TRAPPC9: variants seen among roughly 807,000 people sequenced by gnomAD.
TRAPPC9 encodes the protein IKK2 binding protein.
A neutral mutation model predicts 124.0 loss-of-function variants in TRAPPC9; 83 were observed. The observed-to-expected ratio is 0.67, with a 90% confidence interval of 0.56 to 0.80. The LOEUF (loss-of-function observed/expected upper bound fraction) is 0.80, where lower values mean the gene tolerates loss of function less well. TRAPPC9 is among the 30% of genes least tolerant of loss of function. The probability of loss-of-function intolerance (pLI) is 0.00; values close to 1 mark genes in which losing one functional copy is unlikely to be tolerated. For missense variants in TRAPPC9, 1,302 were observed against 1,508.3 expected (o/e 0.86, Z 2.27); for synonymous variants, 638 against 617.5 (o/e 1.03, Z -0.49).
chr8:140,342,829 C>T (rs561966532), intron 9 of TRAPPC9, among the ~76,000 whole-genome samples: 1 of 152,274 alleles, frequency 6.6e-6, no homozygotes, highest in African/African-American at 2.4e-5. Context: ...GGCCAGAGTT[C>T]GTATTTTAGC....
chr8:139,773,725 T>A (rs932869720), intron 21 of TRAPPC9, among the ~76,000 whole-genome samples: 4 of 152,232 alleles, frequency 2.6e-5, no homozygotes, highest in African/African-American at 9.6e-5. Flanking sequence ...CAGCCACCTC[T>A]GTAGTCCTCT....
intron 5 of TRAPPC9, among the ~76,000 whole-genome samples, chr8:140,412,968 A>G (rs1260349121): frequency 2.0e-4 from 30 of 152,200 alleles, no homozygotes; most frequent in Non-Finnish European, 3.7e-4. Context: ...AAAGGAAAGG[A>G]AAGGACATAG....
chr8:140,318,713 T>C (rs1422178919), intron 9 of TRAPPC9, among the ~76,000 whole-genome samples: 1 of 152,256 alleles, frequency 6.6e-6, no homozygotes, highest in African/African-American at 2.4e-5. Context: ...ATTTCTTCCC[T>C]TTTTACAGGT....
chr8:140,039,193 C>T (rs899719177), intron 17 of TRAPPC9, among the ~76,000 whole-genome samples: 2 of 152,238 alleles, frequency 1.3e-5, no homozygotes, highest in African/African-American at 4.8e-5. Flanking sequence ...CTGTCCACGG[C>T]CTGTCTGATA....
At chr8:140,458,343 C>G (rs767996463), upstream of TRAPPC9, 154 of 1,587,172 alleles carry the variant, frequency 9.7e-5, 2 homozygotes, top group Admixed American at 2.8e-3. Flanking sequence ...GTGGAGGCCC[C>G]GCGGAAGCCC....
At chr8:140,149,224 G>A (rs184582790) in intron 17 of TRAPPC9, among the ~76,000 whole-genome samples, 3 of 152,234 alleles carry the variant, frequency 2.0e-5, no homozygotes, top group Admixed American at 1.3e-4. Flanking sequence ...AGTCCCAACA[G>A]CAGCATGGTC....
rs765065611 is a variant in TRAPPC9 at position 140,221,525 on chromosome 8, G to A, written c.2490C>T (p.Pro830=). The stretch of plus-strand genomic sequence containing the variant: ...GGTTCACAGGTTTGCCCTCCACTCG[G>A]GGCCGAACGACCTGCCGAAAAGGAC... ...LSSPFRQVVR[P]RVEGKPVNPP... is the part of the protein sequence containing the mutation. Residue 830 remains proline, a synonymous_variant, in exon 17 of 23, where the codon CCC becomes CCT. Transcript: ENST00000438773. The A allele has an allele frequency of 3.7e-6, 6 of 1,614,146 alleles. No individual in the cohort carries two copies. The South Asian group carries it at 6.6e-5, about 18-fold the overall frequency.
chr8:140,247,975 T>A (rs952499152), intron 16 of TRAPPC9, among the ~76,000 whole-genome samples: 26 of 152,376 alleles, frequency 1.7e-4, no homozygotes, highest in African/African-American at 6.0e-4. Flanking sequence ...TGGGTTTTTG[T>A]AATTTTTATC....
intron 21 of TRAPPC9, among the ~76,000 whole-genome samples, chr8:139,865,611 G>A (rs547195287): frequency 2.0e-5 from 3 of 152,230 alleles, no homozygotes; most frequent in East Asian, 1.9e-4. Context: ...ATGGAGACAC[G>A]GCAGGGAAGG....
Position 140,457,717 on chromosome 8 carries a change from C to T in TRAPPC9, c.-89G>A. ...GGCCGAGCAGCCTCTGCGGCCACTTCCCAGGCTCTGGGCTGGCGCTTCCTA... is the reference window on the plus strand; with the variant it reads ...GGCCGAGCAGCCTCTGCGGCCACTTTCCAGGCTCTGGGCTGGCGCTTCCTA... On this transcript the variant is annotated 5_prime_UTR_variant, in exon 1 of 23. Coordinates refer to ENST00000438773, the MANE Select transcript of TRAPPC9 (RefSeq NM_001160372.4). 1 of 988,158 alleles carries T rather than the reference C, an allele frequency of 1.0e-6. No homozygotes were observed. The highest frequency in any genetic ancestry group is 4.6e-5 in the South Asian group (1 of 21,956). 61.2% of individuals were successfully genotyped at this position (988,158 alleles called of 1,614,324 possible).
At chr8:140,006,892 T>A (rs1563684072) in intron 18 of TRAPPC9, among the ~76,000 whole-genome samples, 3 of 152,232 alleles carry the variant, frequency 2.0e-5, no homozygotes, top group African/African-American at 7.2e-5. Context: ...TGAAAAGTTC[T>A]AAAATCAGAT....
chr8:140,388,353 T>C (rs1056832467), intron 7 of TRAPPC9, among the ~76,000 whole-genome samples: 2 of 148,710 alleles, frequency 1.3e-5, no homozygotes, highest in African/African-American at 2.5e-5. Flanking sequence ...GTTGTGCACA[T>C]GTACCCTAGA....
At chr8:140,183,868 GAAGAA>G (rs1305568981) in intron 17 of TRAPPC9, among the ~76,000 whole-genome samples, 17 of 19,570 alleles carry the variant, frequency 8.7e-4, no homozygotes, top group African/African-American at 2.2e-3. Flanking sequence ...AAAAAAAGAA[GAAGAA>G]GAAGAAGAAG....
intron 10 of TRAPPC9, among the ~76,000 whole-genome samples, chr8:140,301,417 A>G (rs1262435505): frequency 1.3e-5 from 2 of 152,130 alleles, no homozygotes; most frequent in Non-Finnish European, 2.9e-5. Context: ...TACTATTACT[A>G]TTGTCTCCAT....
At chr8:139,860,231 T>A (rs1006288950) in intron 21 of TRAPPC9, among the ~76,000 whole-genome samples, 4 of 152,194 alleles carry the variant, frequency 2.6e-5, no homozygotes, top group East Asian at 1.9e-4. Context: ...AAAGCCCACA[T>A]CATCTTCAAA....
chr8:140,457,110 G>A (rs2071698005), intron 1 of TRAPPC9, among the ~76,000 whole-genome samples: 1 of 152,238 alleles, frequency 6.6e-6, no homozygotes, highest in Non-Finnish European at 1.5e-5. Flanking sequence ...AAAGGGCTAG[G>A]GGAGAAGTCC....
At chr8:139,831,230 A>C (rs1287708481) in intron 21 of TRAPPC9, among the ~76,000 whole-genome samples, 2 of 152,110 alleles carry the variant, frequency 1.3e-5, no homozygotes, top group Non-Finnish European at 2.9e-5. Flanking sequence ...AGCCGCCCAC[A>C]CATTAGTTGG....
chr8:140,277,294 A>G (rs1437560209), intron 14 of TRAPPC9, among the ~76,000 whole-genome samples: 1 of 152,242 alleles, frequency 6.6e-6, no homozygotes, highest in Non-Finnish European at 1.5e-5. Context: ...AAACAATTGC[A>G]TAATAAATCA....
chr8:140,024,221 A>G, intron 17 of TRAPPC9, 142 bp from the exon 18 acceptor site: 1 of 1,077,358 alleles, frequency 9.3e-7, no homozygotes, highest in Non-Finnish European at 1.4e-6. Context: ...CCGACTCACA[A>G]CCCCGGCGGG....
Sources: gnomAD v4.1 joint callset for allele counts (sites outside exome capture counted in the v4.1 genomes callset) on GRCh38, gnomAD v4.1.1 for gene constraint, MANE v1.5 for transcripts, NCBI Gene and HGNC (gene_info 2026-07-23, HGNC 2026-07-21) for gene names.